MTAP: variants seen among roughly 807,000 people sequenced by gnomAD.
MTAP encodes methylthioadenosine phosphorylase.
Under a neutral mutation model 33.6 loss-of-function variants are expected in MTAP, and 33 were observed. The observed-to-expected ratio is 0.98, with a 90% CI of 0.74 to 1.31. The LOEUF (loss-of-function observed/expected upper bound fraction) is 1.31. MTAP is among the 40% of genes most tolerant of loss of function. MTAP has a pLI of 0.00. For synonymous variants in MTAP, 148 were observed against 125.7 expected, an observed-to-expected ratio of 1.18 and a Z score of -1.19; for missense variants, 367 against 360.0, an observed-to-expected ratio of 1.02 and a Z score of -0.16.
intron 1 of MTAP, among the ~76,000 whole-genome samples, chr9:21,926,258 T>C (rs761681829): frequency 6.6e-6 from 1 of 152,194 alleles, no homozygotes; most frequent in Admixed American, 6.5e-5. Flanking sequence ...AAAAGGGACT[T>C]CATCCCCTAA....
chr9:21,880,611 T>A (rs1817990046), intron 1 of MTAP, among the ~76,000 whole-genome samples: 1 of 152,008 alleles, frequency 6.6e-6, no homozygotes, highest in Admixed American at 6.6e-5. Context: ...ACATTTCCAA[T>A]GAACAATCCA....
intron 1 of MTAP, among the ~76,000 whole-genome samples, chr9:21,904,135 G>A (rs1437453695): frequency 6.6e-6 from 1 of 152,186 alleles, no homozygotes; most frequent in East Asian, 1.9e-4. Flanking sequence ...ACTCCAAGGC[G>A]TTCTGCTGGT....
intron 1 of MTAP, among the ~76,000 whole-genome samples, chr9:21,896,059 G>T (rs889226375): frequency 6.6e-6 from 1 of 152,134 alleles, no homozygotes; most frequent in African/African-American, 2.4e-5. Context: ...ATAACAAACT[G>T]TCTCTCAGAC....
chr9:21,859,501 T>G (rs1825710521), intron 7 of MTAP, 76 bp downstream of exon 7: 2 of 1,486,070 alleles, frequency 1.3e-6, no homozygotes, highest in South Asian at 2.8e-5. Flanking sequence ...CATTTCACCT[T>G]TGGTCCTCAT....
intron 6 of MTAP, 149 bp downstream of exon 6, chr9:21,855,019 A>G: frequency 8.9e-7 from 1 of 1,120,302 alleles, no homozygotes; most frequent in Non-Finnish European, 1.2e-6. Context: ...TTCCATTGGA[A>G]GGTAAGAACA....
chr9:21,919,544 G>T (rs577450090), intron 1 of MTAP, among the ~76,000 whole-genome samples: 1 of 152,342 alleles, frequency 6.6e-6, no homozygotes, highest in South Asian at 2.1e-4. Context: ...AAGAGAGTTG[G>T]ATTTAACCAG....
intron 5 of MTAP, among the ~76,000 whole-genome samples, chr9:21,844,245 T>C (rs778032902): frequency 6.6e-6 from 1 of 152,016 alleles, no homozygotes; most frequent in Non-Finnish European, 1.5e-5. Flanking sequence ...TTTAAAAAAT[T>C]GCCAACAAAG....
intron 5 of MTAP, among the ~76,000 whole-genome samples, chr9:21,853,623 C>A (rs567334439): frequency 6.6e-6 from 1 of 152,230 alleles, no homozygotes; most frequent in Admixed American, 6.5e-5. Context: ...TATAGTATCC[C>A]AGGAAGGTTA....
intron 5 of MTAP, among the ~76,000 whole-genome samples, chr9:21,841,903 C>G (rs915714785): frequency 6.6e-6 from 1 of 152,174 alleles, no homozygotes; most frequent in Non-Finnish European, 1.5e-5. Flanking sequence ...CACCAGCTCC[C>G]TAGCAATGGA....
chr9:21,895,907 G>A (rs369350180), intron 1 of MTAP, among the ~76,000 whole-genome samples: 25 of 152,188 alleles, frequency 1.6e-4, no homozygotes, highest in African/African-American at 3.6e-4. Flanking sequence ...TGCACCAAGC[G>A]GACCTAATAG....
chr9:21,857,532 C>G (rs535455155), intron 6 of MTAP, among the ~76,000 whole-genome samples: 3 of 152,340 alleles, frequency 2.0e-5, no homozygotes, highest in East Asian at 3.9e-4. Context: ...GTCAAGTACT[C>G]TATCTCTGAT....
chr9:21,866,229 G>C lies in MTAP; in HGVS notation c.*4215G>C, dbSNP rs367927619. ...AATATTTTTGTTTATTAAAAAATTA[G>C]ATTGTTTTGTTTTATTATTGAATAG... is the stretch of plus-strand genomic sequence containing the variant. On this transcript the variant is annotated 3_prime_UTR_variant, in exon 8 of 8. Transcript: ENST00000644715. The C allele has an allele frequency of 5.3e-5, 8 of 152,114 alleles. No homozygotes were observed. Among genetic ancestry groups the C allele is most frequent in the African/African-American group, 1.9e-4 (8 of 41,430 alleles). 9.4% of individuals were successfully genotyped at this position (152,114 alleles called of 1,614,324 possible). A position where few individuals can be genotyped will look rare whatever the true frequency, so the allele number is the denominator to read the frequency against.
downstream of MTAP, chr9:21,931,442 T>C (rs540844024): frequency 5.5e-6 from 2 of 363,056 alleles, no homozygotes; most frequent in East Asian, 8.9e-5. Flanking sequence ...AAAATAATAA[T>C]AGGTTGCAAC....
chr9:21,914,259 G>C (rs1587293402), intron 1 of MTAP, among the ~76,000 whole-genome samples: 2 of 152,286 alleles, frequency 1.3e-5, no homozygotes, highest in East Asian at 3.9e-4. Flanking sequence ...AATATCATTT[G>C]ACGCAGCCAT....
downstream of MTAP, chr9:21,940,915 C>A (rs1296786355): frequency 5.7e-6 from 4 of 707,546 alleles, no homozygotes; most frequent in Non-Finnish European, 6.9e-6. Flanking sequence ...CTTCCCCCAA[C>A]CCCCAGAAGT....
At chr9:21,805,470 C>G (rs1008189024) in intron 1 of MTAP, among the ~76,000 whole-genome samples, 4 of 152,154 alleles carry the variant, frequency 2.6e-5, no homozygotes, top group African/African-American at 4.8e-5. Context: ...GAAAGTGAAA[C>G]AGCAGTAAGA....
At chr9:21,906,208 T>C (rs576602220) in intron 1 of MTAP, among the ~76,000 whole-genome samples, 1 of 152,156 alleles carries the variant, frequency 6.6e-6, no homozygotes, top group African/African-American at 2.4e-5. Context: ...GAAGAAGAGA[T>C]AGAATTATCA....
At chr9:21,899,648 A>G (rs1818356655) in intron 1 of MTAP, among the ~76,000 whole-genome samples, 2 of 150,360 alleles carry the variant, frequency 1.3e-5, no homozygotes, top group South Asian at 4.2e-4. Context: ...AGATGCTTAT[A>G]AAACCATCAG....
intron 1 of MTAP, among the ~76,000 whole-genome samples, chr9:21,878,574 C>T (rs1826044614): frequency 6.6e-6 from 1 of 152,120 alleles, no homozygotes; most frequent in South Asian, 2.1e-4. Context: ...GTTTCCCAGG[C>T]TTATCTCCAA....
Sources: gnomAD v4.1 joint callset for allele counts (sites outside exome capture counted in the v4.1 genomes callset) on GRCh38, gnomAD v4.1.1 for gene constraint, MANE v1.5 for transcripts, NCBI Gene and HGNC (gene_info 2026-07-23, HGNC 2026-07-21) for gene names.